PCDH7: variants seen among roughly 807,000 people sequenced by gnomAD.
The protein encoded by PCDH7 is protocadherin 7.
Under a neutral mutation model 58.9 loss-of-function variants are expected in PCDH7, and 17 were observed. The observed-to-expected ratio is 0.29, with a 90% confidence interval of 0.20 to 0.43. The LOEUF is 0.43. Ranked by LOEUF, PCDH7 falls within the 20% of genes least tolerant of loss-of-function variation. The probability of loss-of-function intolerance (pLI) is 1.00; values close to 1 mark genes in which losing one functional copy is unlikely to be tolerated. For synonymous variants in PCDH7, 664 were observed against 616.4 expected, an observed-to-expected ratio of 1.08 and a Z score of -1.14; for missense variants, 1,274 against 1,441.0, an observed-to-expected ratio of 0.88 and a Z score of 1.88.
At chr4:30,960,138 GAA>G (rs1748259301) in intron 3 of PCDH7, among the ~76,000 whole-genome samples, 1 of 99,800 alleles carries the variant, frequency 1.0e-5, no homozygotes, top group Non-Finnish European at 2.0e-5. Context: ...AGGAAGGAAG[GAA>G]GGAAGGAAGG....
intron 3 of PCDH7, among the ~76,000 whole-genome samples, chr4:31,035,759 T>C (rs1437308080): frequency 1.3e-5 from 2 of 152,122 alleles, no homozygotes; most frequent in Non-Finnish European, 2.9e-5. Context: ...TAGAGGAAAA[T>C]GGGAGGCAGT....
chr4:30,887,026 T>A (rs1737903716), intron 1 of PCDH7, among the ~76,000 whole-genome samples: 1 of 148,420 alleles, frequency 6.7e-6, no homozygotes, highest in South Asian at 2.2e-4. Flanking sequence ...ATATACCTAA[T>A]GCTAGATGAC....
chr4:31,145,731 T>C (rs939084858), downstream of PCDH7: 1 of 152,158 alleles, frequency 6.6e-6, no homozygotes, highest in African/African-American at 2.4e-5. Flanking sequence ...GGCATTAATA[T>C]GGGCTGCTTA....
At chr4:30,838,020 G>A (rs1402593746) in intron 1 of PCDH7, among the ~76,000 whole-genome samples, 1 of 151,478 alleles carries the variant, frequency 6.6e-6, no homozygotes, top group East Asian at 1.9e-4. Context: ...AAATATTGTA[G>A]CGAAATATCT....
chr4:30,745,822 A>G (rs1166487708), intron 1 of PCDH7, among the ~76,000 whole-genome samples: 4 of 152,004 alleles, frequency 2.6e-5, no homozygotes, highest in Non-Finnish European at 4.4e-5. Context: ...TTTTTCTTCT[A>G]AAGAGATATT....
intron 3 of PCDH7, among the ~76,000 whole-genome samples, chr4:31,095,484 A>G (rs1035225248): frequency 2.0e-5 from 3 of 152,170 alleles, no homozygotes; most frequent in Non-Finnish European, 4.4e-5. Flanking sequence ...TACTTGTTCT[A>G]TCTTTCAAAA....
At chr4:30,849,852 A>G (rs1032621569) in intron 1 of PCDH7, among the ~76,000 whole-genome samples, 1 of 152,098 alleles carries the variant, frequency 6.6e-6, no homozygotes, top group African/African-American at 2.4e-5. Flanking sequence ...GAGTAGAGAC[A>G]TATCTGTGTT....
rs561716656 is a variant in PCDH7 at position 30,721,388 on chromosome 4, G to C, written c.-35G>C. The C allele has an allele frequency of 1.5e-5, 22 of 1,454,300 alleles. No homozygotes were observed. The South Asian group carries it at 2.6e-4, about 17-fold the overall frequency. 90.1% of individuals were successfully genotyped at this position (1,454,300 alleles called of 1,614,324 possible). A position where few individuals can be genotyped will look rare whatever the true frequency, so the allele number is the denominator to read the frequency against. On this transcript the variant is annotated 5_prime_UTR_variant, in exon 1 of 2. Coordinates refer to ENST00000361762, the Ensembl canonical transcript of PCDH7. The surrounding 1 kb of genome is among the most constrained non-coding windows in gnomAD (Gnocchi z 6.7). ...GGAGGGGGGCGCCGAGGGGGCTGTG[G>C]TTAGAAGGAGCAGTAGCAGCAGCAG...
At chr4:30,731,812 T>G (rs538943477) in exon 2 of PCDH7, 1 of 152,284 alleles carries the variant, frequency 6.6e-6, no homozygotes, top group East Asian at 1.9e-4. Context: ...TCTACCTCTT[T>G]ATGTTTGTAT....
chr4:31,062,503 T>G (rs1757766024), intron 3 of PCDH7, among the ~76,000 whole-genome samples: 1 of 151,792 alleles, frequency 6.6e-6, no homozygotes, highest in Non-Finnish European at 1.5e-5. Flanking sequence ...ATGCAAAAAT[T>G]AATAATCAGA....
intron 3 of PCDH7, among the ~76,000 whole-genome samples, chr4:31,029,086 T>C (rs1265608260): frequency 6.6e-6 from 1 of 152,224 alleles, no homozygotes; most frequent in Non-Finnish European, 1.5e-5. Context: ...TAAATATTTC[T>C]TTGATTTTGA....
intron 1 of PCDH7, among the ~76,000 whole-genome samples, chr4:30,864,415 A>C (rs2109356872): frequency 7.0e-6 from 1 of 142,562 alleles, no homozygotes; most frequent in East Asian, 2.1e-4. Context: ...TTATCTTAGA[A>C]AGAAAAATTA....
intron 1 of PCDH7, among the ~76,000 whole-genome samples, chr4:30,905,829 C>A (rs1401680867): frequency 1.3e-5 from 2 of 152,278 alleles, no homozygotes; most frequent in Non-Finnish European, 2.9e-5. Flanking sequence ...CTATTTTACA[C>A]CAGCCTTGCT....
chr4:30,857,517 G>A (rs1733625598), intron 1 of PCDH7, among the ~76,000 whole-genome samples: 1 of 152,100 alleles, frequency 6.6e-6, no homozygotes, highest in Non-Finnish European at 1.5e-5. Flanking sequence ...GACTTTTTGT[G>A]TAAGTAAAGC....
chr4:31,136,703 C>A (rs766582393), intron 3 of PCDH7, among the ~76,000 whole-genome samples: 1 of 152,156 alleles, frequency 6.6e-6, no homozygotes, highest in Non-Finnish European at 1.5e-5. Context: ...CAGTGATTCC[C>A]GCCCTGACCG....
At chr4:30,951,659 G>A (rs1747385442) in intron 3 of PCDH7, among the ~76,000 whole-genome samples, 1 of 152,158 alleles carries the variant, frequency 6.6e-6, no homozygotes, top group Admixed American at 6.5e-5. Flanking sequence ...TGGGCACAAT[G>A]TTAATGAGTT....
chr4:30,805,752 A>C (rs936505112), intron 1 of PCDH7, among the ~76,000 whole-genome samples: 1 of 152,090 alleles, frequency 6.6e-6, no homozygotes, highest in Non-Finnish European at 1.5e-5. Context: ...TTTACTTCAA[A>C]ATTTTATACC....
At chr4:30,735,139 G>T (rs1182236199), downstream of PCDH7, among the ~76,000 whole-genome samples, 1 of 151,984 alleles carries the variant, frequency 6.6e-6, no homozygotes, top group Non-Finnish European at 1.5e-5. Flanking sequence ...GGGGTATGAA[G>T]AACAATCACA....
chr4:30,924,472 A>T (rs1383413984), intron 2 of PCDH7, among the ~76,000 whole-genome samples: 1 of 152,180 alleles, frequency 6.6e-6, no homozygotes, highest in Non-Finnish European at 1.5e-5. Flanking sequence ...ATGTATGTTA[A>T]TGTGGGCAGG....
Sources: gnomAD v4.1 joint callset for allele counts (sites outside exome capture counted in the v4.1 genomes callset) on GRCh38, gnomAD v4.1.1 for gene constraint, Gnocchi (gnomAD v3.1) non-coding constraint, MANE v1.5 for transcripts, NCBI Gene and HGNC (gene_info 2026-07-23, HGNC 2026-07-21) for gene names.